DLGAP1: variants seen among roughly 807,000 people sequenced by gnomAD.
The protein encoded by DLGAP1 is DLG associated protein 1, also known as disks large-associated protein 1.
Under a neutral mutation model 90.8 loss-of-function variants are expected in DLGAP1, and 11 were observed. The observed-to-expected ratio is 0.12, with a 90% confidence interval of 0.08 to 0.20. The LOEUF (loss-of-function observed/expected upper bound fraction) is 0.20. Ranked by LOEUF, DLGAP1 falls within the 10% of genes least tolerant of loss-of-function variation. The probability of loss-of-function intolerance (pLI) is 1.00; values close to 1 mark genes in which losing one functional copy is unlikely to be tolerated. For synonymous variants in DLGAP1, 558 were observed against 540.7 expected (o/e 1.03, Z -0.44); for missense variants, 1,050 against 1,333.8 (o/e 0.79, Z 3.31).
chr18:4,045,882 C>T (rs372879072), intron 2 of DLGAP1, among the ~76,000 whole-genome samples: 1 of 151,000 alleles, frequency 6.6e-6, no homozygotes, highest in African/African-American at 2.4e-5. Flanking sequence ...TCAAGCAATC[C>T]TCCTACCTCA....
chr18:3,745,137 C>T (rs1183857098), intron 5 of DLGAP1, among the ~76,000 whole-genome samples: 4 of 152,098 alleles, frequency 2.6e-5, no homozygotes, highest in Non-Finnish European at 5.9e-5. Flanking sequence ...AGGCAAATCG[C>T]TAAAGATAGA....
At chr18:3,849,028 G>A (rs545504221) in intron 4 of DLGAP1, among the ~76,000 whole-genome samples, 30 of 152,280 alleles carry the variant, frequency 2.0e-4, no homozygotes, top group East Asian at 1.4e-3. Flanking sequence ...TGATCCAGCC[G>A]TGCTGGATTC....
chr18:4,269,039 G>A (rs1471564374), intron 1 of DLGAP1, among the ~76,000 whole-genome samples: 1 of 151,872 alleles, frequency 6.6e-6, no homozygotes, highest in Non-Finnish European at 1.5e-5. Flanking sequence ...CAGATTGATG[G>A]ATTATTAAAA....
intron 1 of DLGAP1, among the ~76,000 whole-genome samples, chr18:4,349,707 G>A (rs1003230781): frequency 6.6e-5 from 10 of 151,880 alleles, no homozygotes; most frequent in East Asian, 1.9e-4. Context: ...CCATTTATAC[G>A]AAATTAAAAA....
At chr18:4,280,731 G>C (rs569739691) in intron 1 of DLGAP1, 2 of 152,274 alleles carry the variant, frequency 1.3e-5, no homozygotes, top group Admixed American at 6.5e-5. Context: ...CCTTTCTAGG[G>C]AGGAGGCTCC....
chr18:4,274,375 A>G (rs2079361067), intron 1 of DLGAP1, among the ~76,000 whole-genome samples: 1 of 152,124 alleles, frequency 6.6e-6, no homozygotes, highest in Non-Finnish European at 1.5e-5. Context: ...CAGAAAATGT[A>G]CTTTGTATTA....
chr18:3,520,102 G>T (rs1244054638), intron 10 of DLGAP1, among the ~76,000 whole-genome samples: 2 of 152,044 alleles, frequency 1.3e-5, no homozygotes, highest in Non-Finnish European at 2.9e-5. Flanking sequence ...AACAAACAAA[G>T]ACAAATAGTC....
chr18:4,330,674 A>C (rs1036813981), intron 1 of DLGAP1, among the ~76,000 whole-genome samples: 1 of 151,864 alleles, frequency 6.6e-6, no homozygotes, highest in South Asian at 2.1e-4. Context: ...GCCAAATTTC[A>C]AGATACTCTT....
intron 10 of DLGAP1, among the ~76,000 whole-genome samples, chr18:3,533,976 A>G (rs1487660055): frequency 6.6e-6 from 1 of 152,118 alleles, no homozygotes; most frequent in African/African-American, 2.4e-5. Context: ...AGAGCTAAGG[A>G]CAGTGTTATA....
intron 1 of DLGAP1, among the ~76,000 whole-genome samples, chr18:4,322,968 A>AAG (rs2080732843): frequency 7.0e-6 from 1 of 142,260 alleles, no homozygotes; most frequent in Non-Finnish European, 1.5e-5. Context: ...AAAAAAAAAA[A>AAG]GGAAAAAGCT....
Position 4,024,381 on chromosome 18 carries a change from C to T in DLGAP1, c.-158-19180G>A, listed in dbSNP as rs73942450. ...CGGTGAGGCCTAAACAGGAAGGGAG[C>T]ACCACAGCTGGGAAGAACCCCATGT... On this transcript the variant is annotated intron_variant, in intron 2 of 12. Coordinates refer to ENST00000315677, the MANE Select transcript of DLGAP1 (RefSeq NM_004746.4). Among the ~76,000 whole-genome samples the T allele has an allele frequency of 3.6e-3, 550 of 152,266 alleles. 3 individuals carry two copies. The highest frequency in any genetic ancestry group is 0.013 in the African/African-American group (520 of 41,552).
intron 1 of DLGAP1, among the ~76,000 whole-genome samples, chr18:4,251,181 A>G (rs1328874421): frequency 1.3e-5 from 2 of 152,218 alleles, no homozygotes; most frequent in Non-Finnish European, 2.9e-5. Context: ...AGAGATAGAT[A>G]GACAGAGAGA....
chr18:4,038,956 C>T (rs1029586237), intron 2 of DLGAP1, among the ~76,000 whole-genome samples: 16 of 152,160 alleles, frequency 1.1e-4, no homozygotes, highest in East Asian at 9.7e-4. Context: ...AAAATCAAGG[C>T]GCCACAAGGG....
At chr18:4,125,424 C>T (rs900416734) in intron 2 of DLGAP1, among the ~76,000 whole-genome samples, 2 of 152,252 alleles carry the variant, frequency 1.3e-5, no homozygotes, top group South Asian at 4.1e-4. Context: ...GAGAAGCATT[C>T]CCATCATTAG....
At chr18:4,103,850 T>C (rs887683087) in intron 2 of DLGAP1, among the ~76,000 whole-genome samples, 4 of 152,146 alleles carry the variant, frequency 2.6e-5, no homozygotes, top group African/African-American at 7.2e-5. Context: ...GATAAAAAAA[T>C]TGATATGCTA....
chr18:3,972,133 C>T (rs2073462565), intron 3 of DLGAP1, among the ~76,000 whole-genome samples: 1 of 149,376 alleles, frequency 6.7e-6, no homozygotes, highest in African/African-American at 2.6e-5. Flanking sequence ...TACAGTTTAC[C>T]TTGTTTTTAA....
intron 1 of DLGAP1, among the ~76,000 whole-genome samples, chr18:4,308,331 T>C (rs2080314410): frequency 6.6e-6 from 1 of 152,292 alleles, no homozygotes; most frequent in Non-Finnish European, 1.5e-5. Context: ...AAACATAAAC[T>C]TATTTTGAGC....
At chr18:3,615,023 T>G (rs1385061550) in intron 7 of DLGAP1, among the ~76,000 whole-genome samples, 1 of 151,498 alleles carries the variant, frequency 6.6e-6, no homozygotes, top group African/African-American at 2.4e-5. Context: ...CAGGTTCAAG[T>G]GATTCTCCTG....
In DLGAP1 at chr18:4,062,864, A is replaced by T. The variant is rs544405970; in HGVS notation, c.-158-57663T>A. ...GTTTCTTACTGTGAACCAACCAGTG[A>T]TCACTGGCTACAGCTTAGAAGAAAC... On this transcript the variant is annotated intron_variant, in intron 2 of 12. Transcript: ENST00000315677. Among the ~76,000 whole-genome samples the T allele has an allele frequency of 3.7e-4, 57 of 152,210 alleles. No individual in the cohort carries two copies. In the East Asian group the frequency reaches 7.3e-3, roughly 20 times the overall value.
Sources: gnomAD v4.1 joint callset for allele counts (sites outside exome capture counted in the v4.1 genomes callset) on GRCh38, gnomAD v4.1.1 for gene constraint, MANE v1.5 for transcripts, NCBI Gene and HGNC (gene_info 2026-07-23, HGNC 2026-07-21) for gene names.